The following NEGR1 variants were observed in gnomAD, a reference collection of about 807,000 sequenced individuals.
NEGR1 encodes the protein neuronal growth regulator 1, also known as IgLON family member 4.
In NEGR1, 10 loss-of-function variants were observed where a neutral mutation model predicts 40.9. The observed-to-expected ratio is 0.24, with a 90% CI of 0.15 to 0.42. The LOEUF (loss-of-function observed/expected upper bound fraction) is 0.42. Ranked by LOEUF, NEGR1 falls within the 10% of genes least tolerant of loss-of-function variation. The pLI, the probability that NEGR1 is intolerant of heterozygous loss-of-function variation, is 1.00. For missense variants in NEGR1, 352 were observed against 438.9 expected, an observed-to-expected ratio of 0.80 and a Z score of 1.77; for synonymous variants, 185 against 166.8, an observed-to-expected ratio of 1.11 and a Z score of -0.84.
Position 72,101,877 on chromosome 1 carries a change from T to C in NEGR1, c.177-166566A>G, listed in dbSNP as rs74625915. On this transcript the variant is annotated intron_variant, in intron 1 of 6. Transcript: ENST00000357731. ...CTACCAGTTTTATAGCAGGTTTTCA[T>C]TCTGTTTTTATACTACTTGGTTTAA... Among the ~76,000 whole-genome samples the C allele has an allele frequency of 7.7e-3, 1,171 of 152,286 alleles. 14 individuals carry two copies. Among genetic ancestry groups the C allele is most frequent in the African/African-American group, 0.027 (1,131 of 41,554 alleles).
chr1:72,005,457 T>C (rs1646598824), intron 1 of NEGR1, among the ~76,000 whole-genome samples: 1 of 152,164 alleles, frequency 6.6e-6, no homozygotes, highest in African/African-American at 2.4e-5. Context: ...TCTTGACAAA[T>C]TATAATTTTT....
intron 1 of NEGR1, among the ~76,000 whole-genome samples, chr1:72,078,369 TA>T (rs1647840519): frequency 6.6e-6 from 1 of 152,040 alleles, no homozygotes; most frequent in African/African-American, 2.4e-5. Context: ...ACCTTTGAGC[TA>T]AAAAATTTCA....
chr1:71,680,018 T>A (rs1459895998), intron 4 of NEGR1, among the ~76,000 whole-genome samples: 1 of 152,084 alleles, frequency 6.6e-6, no homozygotes. Context: ...GGAATCAGTA[T>A]GCTAATATCT....
At chr1:72,183,160 A>G (rs779634748) in intron 1 of NEGR1, among the ~76,000 whole-genome samples, 1 of 152,056 alleles carries the variant, frequency 6.6e-6, no homozygotes, top group Non-Finnish European at 1.5e-5. Flanking sequence ...GGAAAAGTGG[A>G]CCACTGAAAC....
chr1:71,488,048 G>T (rs1045888630), intron 6 of NEGR1: 3 of 151,680 alleles, frequency 2.0e-5, no homozygotes, highest in Non-Finnish European at 2.9e-5. Context: ...ATTTCCAGAG[G>T]TGATTTATGT....
At chr1:71,910,431 A>G (rs1213948047) in intron 2 of NEGR1, among the ~76,000 whole-genome samples, 4 of 152,214 alleles carry the variant, frequency 2.6e-5, no homozygotes, top group Non-Finnish European at 5.9e-5. Context: ...CTCATTTTAC[A>G]GAGGAGCAAA....
At chr1:72,171,663 T>C (rs1241328612) in intron 1 of NEGR1, among the ~76,000 whole-genome samples, 2 of 152,208 alleles carry the variant, frequency 1.3e-5, no homozygotes, top group African/African-American at 4.8e-5. Context: ...ATATCTGACC[T>C]ATGTGAAAAA....
At chr1:71,983,429 T>C (rs1646370063) in intron 1 of NEGR1, among the ~76,000 whole-genome samples, 2 of 152,120 alleles carry the variant, frequency 1.3e-5, no homozygotes, top group South Asian at 4.1e-4. Context: ...TCAAATAAAA[T>C]AGAATTTTTT....
chr1:72,061,263 G>T (rs1468893983), intron 1 of NEGR1, among the ~76,000 whole-genome samples: 1 of 151,724 alleles, frequency 6.6e-6, no homozygotes, highest in Non-Finnish European at 1.5e-5. Flanking sequence ...GGAGCACAGT[G>T]ACCTAATTAA....
chr1:71,648,396 A>G (rs769994115), intron 4 of NEGR1, among the ~76,000 whole-genome samples: 18 of 152,142 alleles, frequency 1.2e-4, no homozygotes, highest in Admixed American at 2.6e-4. Context: ...AAGAATGTTC[A>G]TGTTTATTTG....
At chr1:72,017,723 G>GA (rs539515708) in intron 1 of NEGR1, among the ~76,000 whole-genome samples, 35 of 142,568 alleles carry the variant, frequency 2.5e-4, no homozygotes, top group East Asian at 1.0e-3. Context: ...CACAGTTTAA[G>GA]AAAAAAAAAA....
At chr1:71,897,029 C>A (rs530298841) in intron 2 of NEGR1, among the ~76,000 whole-genome samples, 2 of 152,206 alleles carry the variant, frequency 1.3e-5, no homozygotes, top group South Asian at 4.1e-4. Flanking sequence ...TGCTCTGATG[C>A]CATGTTACAA....
intron 6 of NEGR1, among the ~76,000 whole-genome samples, chr1:71,535,961 A>T (rs1647495899): frequency 6.6e-6 from 1 of 151,730 alleles, no homozygotes; most frequent in Non-Finnish European, 1.5e-5. Context: ...ACTGTACTTT[A>T]TATAAACAAC....
intron 1 of NEGR1, among the ~76,000 whole-genome samples, chr1:72,005,241 T>TG (rs1435432109): frequency 6.6e-6 from 1 of 151,856 alleles, no homozygotes. Context: ...GGGGATAGGG[T>TG]GGGGGAGGCA....
chr1:71,674,016 T>G (rs1335004), intron 4 of NEGR1, among the ~76,000 whole-genome samples: 49,598 of 151,944 alleles, frequency 0.33, 9,803 homozygotes, highest in East Asian at 0.48. Flanking sequence ...CTGTTGGTAT[T>G]TAACGTGAAA....
chr1:72,146,195 A>G (rs1358232588), intron 1 of NEGR1, among the ~76,000 whole-genome samples: 1 of 152,162 alleles, frequency 6.6e-6, no homozygotes, highest in African/African-American at 2.4e-5. Flanking sequence ...AAATGCCCCA[A>G]ATGCACTGAA....
chr1:71,693,204 C>T (rs888343287), intron 4 of NEGR1, among the ~76,000 whole-genome samples: 1 of 151,452 alleles, frequency 6.6e-6, no homozygotes, highest in Non-Finnish European at 1.5e-5. Context: ...TTTATTGAAT[C>T]CACCTGGATA....
chr1:72,002,933 T>A (rs1646570636), intron 1 of NEGR1, among the ~76,000 whole-genome samples: 1 of 152,168 alleles, frequency 6.6e-6, no homozygotes, highest in Non-Finnish European at 1.5e-5. Flanking sequence ...AGATAGCATA[T>A]GAATAAACAC....
chr1:72,189,253 G>T, intron 1 of NEGR1, among the ~76,000 whole-genome samples: 1 of 151,456 alleles, frequency 6.6e-6, no homozygotes, highest in East Asian at 1.9e-4. Flanking sequence ...AAACAATGTA[G>T]CAATTATTTT....
Sources: allele counts gnomAD v4.1 joint callset (sites outside exome capture counted in the v4.1 genomes callset), GRCh38; gene constraint gnomAD v4.1.1; transcripts MANE v1.5; gene names NCBI Gene and HGNC (gene_info 2026-07-23, HGNC 2026-07-21).